Variants in MTFR1 observed in about 807,000 individuals in gnomAD.
MTFR1 encodes mitochondrial fission regulator 1.
In MTFR1, 28 loss-of-function variants were observed where a neutral mutation model predicts 38.8. The ratio of observed to expected loss-of-function variants is 0.72; its 90% CI spans 0.53 to 0.99. The LOEUF (loss-of-function observed/expected upper bound fraction) is 0.99. MTFR1 is among the 50% of genes least tolerant of loss of function. The pLI, the probability that MTFR1 is intolerant of heterozygous loss-of-function variation, is 0.00. For missense variants in MTFR1, 358 were observed against 395.5 expected, an observed-to-expected ratio of 0.91 and a Z score of 0.81; for synonymous variants, 145 against 137.0, an observed-to-expected ratio of 1.06 and a Z score of -0.41.
At chr8:65,771,413 T>C (rs933427096), downstream of MTFR1, among the ~76,000 whole-genome samples, 1 of 151,990 alleles carries the variant, frequency 6.6e-6, no homozygotes, top group Non-Finnish European at 1.5e-5. Context: ...ATACAGCACA[T>C]AGAAGAAATT....
intron 1 of MTFR1, among the ~76,000 whole-genome samples, chr8:65,665,555 A>C (rs1804357237): frequency 6.6e-6 from 1 of 152,228 alleles, no homozygotes; most frequent in South Asian, 2.1e-4. Context: ...TTTACTCTCC[A>C]GCATTTCCTT....
At chr8:65,766,653 C>T (rs1291512787) in intron 3 of MTFR1, among the ~76,000 whole-genome samples, 2 of 152,228 alleles carry the variant, frequency 1.3e-5, no homozygotes, top group Non-Finnish European at 2.9e-5. Context: ...CTCTCTATTT[C>T]TCCCTCTCTC....
At chr8:65,675,207 G>A (rs111669473) in intron 2 of MTFR1, among the ~76,000 whole-genome samples, 2,578 of 152,090 alleles carry the variant, frequency 0.017, 81 homozygotes, top group African/African-American at 0.059. Context: ...AGGAGAATCC[G>A]GTTTGAACTC....
At chr8:65,672,443 G>A (rs546096184) in intron 2 of MTFR1, among the ~76,000 whole-genome samples, 1 of 152,222 alleles carries the variant, frequency 6.6e-6, no homozygotes, top group East Asian at 1.9e-4. Flanking sequence ...ATATATACAG[G>A]CATAGCTTGG....
At chr8:65,670,460 G>T (rs1040667714) in intron 2 of MTFR1, among the ~76,000 whole-genome samples, 1 of 152,042 alleles carries the variant, frequency 6.6e-6, no homozygotes, top group Admixed American at 6.6e-5. Flanking sequence ...AGAAAAAAAA[G>T]TTACTATAAT....
At chr8:65,715,048 A>C (rs1020176735), downstream of MTFR1, among the ~76,000 whole-genome samples, 1 of 152,212 alleles carries the variant, frequency 6.6e-6, no homozygotes, top group South Asian at 2.1e-4. Context: ...AGACTCCCTC[A>C]GCCCCTGAAA....
At chr8:65,677,068 CTTTTT>C (rs1166560010) in intron 2 of MTFR1, among the ~76,000 whole-genome samples, 3 of 100,110 alleles carry the variant, frequency 3.0e-5, no homozygotes, top group South Asian at 6.3e-4. Context: ...CTATTTCTCT[CTTTTT>C]TTTTTTTTTT....
At chr8:65,679,700 T>C (rs1014511190) in intron 2 of MTFR1, 16 of 152,194 alleles carry the variant, frequency 1.1e-4, no homozygotes, top group African/African-American at 3.1e-4. Flanking sequence ...CCATGTTTGT[T>C]CTTTTTTTGG....
chr8:65,712,450 C>T (rs1805974857), downstream of MTFR1, among the ~76,000 whole-genome samples: 1 of 152,180 alleles, frequency 6.6e-6, no homozygotes, highest in African/African-American at 2.4e-5. Context: ...TAGAGTGAAT[C>T]AGTGCCAGGA....
intron 3 of MTFR1, among the ~76,000 whole-genome samples, chr8:65,684,199 A>T (rs985481792): frequency 6.6e-6 from 1 of 152,178 alleles, no homozygotes; most frequent in African/African-American, 2.4e-5. Flanking sequence ...CGATGTTATC[A>T]GTCTTTTAAA....
intron 3 of MTFR1, among the ~76,000 whole-genome samples, chr8:65,740,775 A>G (rs1052648639): frequency 6.6e-6 from 1 of 152,090 alleles, no homozygotes; most frequent in Non-Finnish European, 1.5e-5. Context: ...AGGTACAACT[A>G]TCCCCACCCC....
At chr8:65,645,596 A>G (rs1316048166) in intron 1 of MTFR1, among the ~76,000 whole-genome samples, 2 of 146,818 alleles carry the variant, frequency 1.4e-5, no homozygotes, top group East Asian at 4.2e-4. Flanking sequence ...CGGGATCTCT[A>G]CCCACTGCAG....
chr8:65,716,851 C>T (rs1022525191), intron 2 of MTFR1, among the ~76,000 whole-genome samples: 3 of 152,130 alleles, frequency 2.0e-5, no homozygotes, highest in African/African-American at 4.8e-5. Context: ...GGCCATCTCA[C>T]GAGAGTGACC....
chr8:65,673,011 T>C (rs987898219), intron 2 of MTFR1, among the ~76,000 whole-genome samples: 4 of 152,232 alleles, frequency 2.6e-5, no homozygotes, highest in Non-Finnish European at 1.5e-5. Context: ...CAAGAACTTT[T>C]CCTTTGCATT....
At chr8:65,693,569 C>A in intron 3 of MTFR1, 75 bp from the exon 4 acceptor site, 1 of 1,248,112 alleles carries the variant, frequency 8.0e-7, no homozygotes. Context: ...GACGATTTTC[C>A]TTTAGGTGAG....
At chr8:65,647,195 T>A (rs1191333406) in intron 1 of MTFR1, among the ~76,000 whole-genome samples, 2 of 152,164 alleles carry the variant, frequency 1.3e-5, no homozygotes, top group African/African-American at 2.4e-5. Context: ...ACCTGATAAA[T>A]ATAAAGGAAA....
At chr8:65,730,274 G>A (rs540495419) in intron 3 of MTFR1, among the ~76,000 whole-genome samples, 338 of 134,186 alleles carry the variant, frequency 2.5e-3, no homozygotes, top group African/African-American at 7.9e-3. Flanking sequence ...TCCACCTCCC[G>A]GGTTTAAGTG....
intron 4 of MTFR1, among the ~76,000 whole-genome samples, chr8:65,700,267 C>G (rs1805571386): frequency 6.7e-6 from 1 of 149,274 alleles, no homozygotes; most frequent in Non-Finnish European, 1.5e-5. Context: ...GGTAGGATTG[C>G]TTGAGCCTGG....
At chr8:65,676,362 T>C (rs932556369) in intron 2 of MTFR1, among the ~76,000 whole-genome samples, 1 of 152,174 alleles carries the variant, frequency 6.6e-6, no homozygotes, top group African/African-American at 2.4e-5. Context: ...AAATATATTT[T>C]ATTTATTTTT....
Sources: allele counts gnomAD v4.1 joint callset (sites outside exome capture counted in the v4.1 genomes callset), GRCh38; gene constraint gnomAD v4.1.1; transcripts MANE v1.5; gene names NCBI Gene and HGNC (gene_info 2026-07-23, HGNC 2026-07-21).